GRK3: variants seen among roughly 807,000 people sequenced by gnomAD.
The protein encoded by GRK3 is adrenergic, beta, receptor kinase 2.
In GRK3, 54 loss-of-function variants were observed where a neutral mutation model predicts 95.7. The observed-to-expected ratio is 0.56, with a 90% CI of 0.45 to 0.71. The LOEUF is 0.71. Ranked by LOEUF, GRK3 falls within the 30% of genes least tolerant of loss-of-function variation. The pLI is 0.00. For missense variants in GRK3, 649 were observed against 851.2 expected, an observed-to-expected ratio of 0.76 and a Z score of 2.96; for synonymous variants, 281 against 290.8, an observed-to-expected ratio of 0.97 and a Z score of 0.34.
At chr22:25,585,002 C>T (rs1932246585) in intron 1 of GRK3, among the ~76,000 whole-genome samples, 1 of 152,284 alleles carries the variant, frequency 6.6e-6, no homozygotes. Flanking sequence ...TAGAATTCTT[C>T]CCAGGTAATC....
At chr22:25,653,661 A>C (rs527573577) in intron 3 of GRK3, among the ~76,000 whole-genome samples, 24 of 152,240 alleles carry the variant, frequency 1.6e-4, no homozygotes, top group Non-Finnish European at 1.5e-5. Context: ...CCTAATTGAC[A>C]TATGTAAAAT....
chr22:25,605,327 G>A (rs2084437144), intron 2 of GRK3, among the ~76,000 whole-genome samples: 1 of 152,088 alleles, frequency 6.6e-6, no homozygotes, highest in Non-Finnish European at 1.5e-5. Flanking sequence ...AGTTGGTTGG[G>A]GAACAGATAA....
chr22:25,665,077 C>T (rs2084933097), intron 5 of GRK3, among the ~76,000 whole-genome samples: 1 of 152,204 alleles, frequency 6.6e-6, no homozygotes, highest in Non-Finnish European at 1.5e-5. Flanking sequence ...GTAAGCTCCT[C>T]CACCTTCCTA....
At chr22:25,635,962 C>G (rs755592531) in intron 2 of GRK3, among the ~76,000 whole-genome samples, 2 of 152,156 alleles carry the variant, frequency 1.3e-5, no homozygotes, top group Non-Finnish European at 1.5e-5. Context: ...AGTATGCACT[C>G]ATAGATCCTT....
chr22:25,712,774 C>A (rs574234465), intron 17 of GRK3, among the ~76,000 whole-genome samples: 1 of 152,328 alleles, frequency 6.6e-6, no homozygotes, highest in South Asian at 2.1e-4. Context: ...CAATGCTTGA[C>A]AAACTAGTAG....
rs763499651 is a variant in GRK3, at chr22:25,711,074, C to T, written c.1402C>T (p.Pro468Ser). 4 of 1,611,010 alleles carry T rather than the reference C, an allele frequency of 2.5e-6. No individual in the cohort carries two copies. In the Admixed American group the frequency reaches 6.7e-5, roughly 27 times the overall value. The change falls in exon 17 of 21, where the codon CCA becomes TCA. Residue 468 changes from proline to serine, a missense_variant. Pro to Ser is a moderately conservative substitution (Grantham distance 74, BLOSUM62 -1). Around this residue, in one of 3 missense-constraint regions of GRK3, gnomAD observed 382 missense variants for 493.8 expected, o/e 0.77. Transcript: ENST00000324198. ...GCTTGTTTGGATCTTCCAGTACCCA[C>T]CACCCTTGATTCCTCCCCGGGGAGA... Reference protein sequence around the residue: ...WQHVYLQKYPPPLIPPRGEVN... With the variant: ...WQHVYLQKYPSPLIPPRGEVN...
At chr22:25,569,208 G>A (rs964021517) in intron 1 of GRK3, among the ~76,000 whole-genome samples, 1 of 152,208 alleles carries the variant, frequency 6.6e-6, no homozygotes, top group Non-Finnish European at 1.5e-5. Context: ...ATTATTGATA[G>A]GAGTGTTTCT....
At chr22:25,671,550 C>T (rs537502696) in intron 6 of GRK3, among the ~76,000 whole-genome samples, 17 of 152,292 alleles carry the variant, frequency 1.1e-4, no homozygotes, top group African/African-American at 3.6e-4. Context: ...GAGGGTTTCT[C>T]TTCTATACCA....
chr22:25,656,248 A>G (rs914624108), intron 3 of GRK3, among the ~76,000 whole-genome samples: 1 of 152,244 alleles, frequency 6.6e-6, no homozygotes, highest in Admixed American at 6.5e-5. Context: ...AATGGGAAAG[A>G]GAAAATAAAT....
At chr22:25,633,077 A>ATT (rs551427982) in intron 2 of GRK3, among the ~76,000 whole-genome samples, 3,166 of 145,850 alleles carry the variant, frequency 0.022, 55 homozygotes, top group Middle Eastern at 0.07. Flanking sequence ...AGCCTGGCTA[A>ATT]TTTTTTTTTT....
intron 15 of GRK3, 116 bp downstream of exon 15, chr22:25,704,325 G>T: frequency 1.4e-6 from 1 of 698,826 alleles, no homozygotes; most frequent in Non-Finnish European, 2.4e-6. Context: ...TGACTTGAAA[G>T]GGGAAAAAAA....
rs187818194 is a variant in GRK3, at chr22:25,662,518, G to A, written c.366+841G>A. Among the ~76,000 whole-genome samples the A allele has an allele frequency of 3.3e-5, 5 of 152,280 alleles. No individual in the cohort carries two copies. The South Asian group carries it at 6.2e-4, about 19-fold the overall frequency. On this transcript the variant is annotated intron_variant, in intron 4 of 20. Coordinates refer to ENST00000324198, the MANE Select transcript of GRK3 (RefSeq NM_005160.4). ...ATTGGACAGCACTGGTCATGGTATTGGTGTATTTTGGTGCTTCTGTATTCA... is the reference window on the plus strand; with the variant it reads ...ATTGGACAGCACTGGTCATGGTATTAGTGTATTTTGGTGCTTCTGTATTCA...
intron 2 of GRK3, among the ~76,000 whole-genome samples, chr22:25,626,875 G>A (rs1265801562): frequency 4.6e-5 from 7 of 152,210 alleles, no homozygotes; most frequent in Non-Finnish European, 8.8e-5. Context: ...TATGGGTTTA[G>A]TCTTTTGAGT....
At chr22:25,619,299 G>T (rs1294174032) in intron 2 of GRK3, among the ~76,000 whole-genome samples, 2 of 152,070 alleles carry the variant, frequency 1.3e-5, no homozygotes, top group Admixed American at 1.3e-4. Flanking sequence ...CTACATACGT[G>T]ATCTCATTTA....
rs186848685 is a variant in GRK3, at chr22:25,607,485, A to C, written c.190+3032A>C. Among the ~76,000 whole-genome samples the C allele has an allele frequency of 2.0e-3, 299 of 152,232 alleles. 1 individual carries two copies. The highest frequency in any genetic ancestry group is 7.0e-3 in the African/African-American group (292 of 41,510). On this transcript the variant is annotated intron_variant, in intron 2 of 20. Coordinates refer to ENST00000324198, the MANE Select transcript of GRK3 (RefSeq NM_005160.4). The stretch of plus-strand genomic sequence containing the variant: ...CCCGCCAGCACATGCACAGGTAATT[A>C]ACTTACCGAAGAAATTGGGTCCTGT...
At chr22:25,642,783 C>T (rs779031591) in intron 2 of GRK3, among the ~76,000 whole-genome samples, 18 of 152,306 alleles carry the variant, frequency 1.2e-4, no homozygotes, top group Non-Finnish European at 2.1e-4. Flanking sequence ...TGTGTTGCTG[C>T]AGAGGACCAT....
intron 3 of GRK3, among the ~76,000 whole-genome samples, chr22:25,661,117 T>C (rs1179375113): frequency 6.6e-6 from 1 of 152,250 alleles, no homozygotes; most frequent in Non-Finnish European, 1.5e-5. Flanking sequence ...AAAATCTCTT[T>C]GCAGGAATTC....
chr22:25,690,706 C>T (rs982561286), intron 12 of GRK3, among the ~76,000 whole-genome samples: 4 of 152,050 alleles, frequency 2.6e-5, no homozygotes, highest in East Asian at 3.8e-4. Flanking sequence ...GGGAGGTCCT[C>T]GGGGCCAAGT....
At chr22:25,663,138 C>A (rs1204229030) in intron 4 of GRK3, among the ~76,000 whole-genome samples, 1 of 152,150 alleles carries the variant, frequency 6.6e-6, no homozygotes, top group Non-Finnish European at 1.5e-5. Flanking sequence ...ATCTCAGCCT[C>A]CAGAGTAGTT....
Sources: gnomAD v4.1 joint callset for allele counts (sites outside exome capture counted in the v4.1 genomes callset) on GRCh38, gnomAD v4.1.1 for gene constraint, gnomAD v4.1.1 regional missense constraint, MANE v1.5 for transcripts, NCBI Gene and HGNC (gene_info 2026-07-23, HGNC 2026-07-21) for gene names.